The following CTBP2 variants were observed in gnomAD, a reference collection of about 807,000 sequenced individuals.
CTBP2 encodes C-terminal-binding protein 2.
CTBP2 carries 30 observed loss-of-function variants against 80.3 expected under a neutral mutation model. The ratio of observed to expected loss-of-function variants is 0.37; its 90% confidence interval spans 0.28 to 0.51. The LOEUF is 0.51. CTBP2 is among the 20% of genes least tolerant of loss of function. The pLI is 0.93. For missense variants in CTBP2, 1,212 were observed against 1,375.3 expected (o/e 0.88, Z 1.88); for synonymous variants, 594 against 587.4 (o/e 1.01, Z -0.16).
chr10:125,005,580 T>G, intron 1 of CTBP2: 6 of 1,612,372 alleles, frequency 3.7e-6, no homozygotes, highest in Non-Finnish European at 5.1e-6. Context: ...ACAGGAAGCG[T>G]GCAGCACAAA....
chr10:125,161,448 C>T (rs1461200529), upstream of CTBP2, among the ~76,000 whole-genome samples: 2 of 152,022 alleles, frequency 1.3e-5, no homozygotes, highest in Non-Finnish European at 2.9e-5. Context: ...CATGGGGCCC[C>T]GCCCAGCCAG....
intron 1 of CTBP2, among the ~76,000 whole-genome samples, chr10:125,019,415 A>G (rs140904197): frequency 7.2e-4 from 109 of 152,280 alleles, no homozygotes; most frequent in African/African-American, 2.4e-3. Context: ...TTGGGGGTAA[A>G]TAAATTTGTG....
In CTBP2 at chr10:124,998,823, C is replaced by T. The variant is rs143153960; in HGVS notation, c.1979-653G>A. ...AGCAGACAGGATGCCCTCCCTGCCC[C>T]GTGGAGCAGCCTTCAGGTCAGGGCC... is the stretch of plus-strand genomic sequence containing the variant. On this transcript the variant is annotated intron_variant, in intron 3 of 8. Coordinates refer to ENST00000309035, the MANE Select transcript of CTBP2 (RefSeq NM_022802.3). 5.0e-3 allele frequency: 780 copies of T among 156,062 alleles called. 3 individuals carry two copies. Among genetic ancestry groups the T allele is most frequent in the African/African-American group, 0.015 (617 of 41,596 alleles). The allele number at this position is 156,062 out of a possible 1,614,324, so 9.7% of individuals were successfully genotyped here.
intron 2 of CTBP2, among the ~76,000 whole-genome samples, chr10:125,063,451 A>G (rs1844137917): frequency 6.6e-6 from 1 of 152,196 alleles, no homozygotes; most frequent in African/African-American, 2.4e-5. Flanking sequence ...ACACCCCAGG[A>G]TAACACCCAA....
intron 1 of CTBP2, among the ~76,000 whole-genome samples, chr10:125,018,445 G>T (rs1020027402): frequency 6.6e-6 from 1 of 152,048 alleles, no homozygotes; most frequent in African/African-American, 2.4e-5. Flanking sequence ...AGCCGAGATT[G>T]TTCCACTGCA....
In CTBP2 at chr10:125,026,567, C is replaced by T. The variant is rs7067816; in HGVS notation, c.1193G>A (p.Arg398Gln). The change falls in exon 1 of 9, where the codon CGA becomes CAA. Residue 398 changes from arginine (R) to glutamine (Q), a missense_variant. Physicochemically the swap from Arg to Gln is conservative, Grantham distance 43 (BLOSUM62 1). This residue lies in a region of CTBP2 where 848 missense variants were observed against 782.3 expected (regional missense o/e 1.08). Transcript: ENST00000309035. The stretch of plus-strand genomic sequence containing the variant: ...GGGACGGCGAGCCGGGTCTCCAGCT[C>T]GGGGGGATGCTGTCTGCAGAGGAGC... 16 of 1,541,294 alleles carry T rather than the reference C, an allele frequency of 1.0e-5. No individual in the cohort carries two copies. Among genetic ancestry groups the T allele is most frequent in the Admixed American group, 2.1e-5 (1 of 47,720 alleles).
chr10:125,086,694 T>C (rs1266458509), intron 2 of CTBP2, among the ~76,000 whole-genome samples: 1 of 151,406 alleles, frequency 6.6e-6, no homozygotes, highest in Non-Finnish European at 1.5e-5. Context: ...GAACCAGAAC[T>C]TGGGCCCTCA....
At chr10:125,016,274 C>T (rs995267890) in intron 1 of CTBP2, among the ~76,000 whole-genome samples, 2 of 152,070 alleles carry the variant, frequency 1.3e-5, no homozygotes, top group Non-Finnish European at 2.9e-5. Flanking sequence ...GAGCCGAGTG[C>T]CACTGCCAAG....
intron 1 of CTBP2, among the ~76,000 whole-genome samples, chr10:125,147,391 A>G (rs1858972803): frequency 6.6e-6 from 1 of 152,230 alleles, no homozygotes; most frequent in Non-Finnish European, 1.5e-5. Flanking sequence ...TAGGTCTTAA[A>G]TAGAAAGTAA....
chr10:125,059,843 G>C (rs1026284780), intron 2 of CTBP2, among the ~76,000 whole-genome samples: 1 of 152,140 alleles, frequency 6.6e-6, no homozygotes, highest in Non-Finnish European at 1.5e-5. Context: ...GGATTCACTG[G>C]GAGTCAGGAA....
At chr10:125,015,550 T>G (rs1956387161) in intron 1 of CTBP2, among the ~76,000 whole-genome samples, 1 of 152,216 alleles carries the variant, frequency 6.6e-6, no homozygotes, top group African/African-American at 2.4e-5. Context: ...GGTCTTGCAG[T>G]TGGGAGGGCG....
At position 124,987,632 on chromosome 10, in the gene CTBP2, G is replaced by T. The variant is rs1201253364; in HGVS notation, c.*1886C>A. ...TAATAGGTCAGTAACTATGAGCGCC[G>T]TCTCTCTCCATGTGAGCTTGTGTTA... On this transcript the variant is annotated 3_prime_UTR_variant, in exon 9 of 9. Coordinates refer to ENST00000309035, the MANE Select transcript of CTBP2 (RefSeq NM_022802.3). 4 of 152,110 alleles carry T rather than the reference G, an allele frequency of 2.6e-5. No homozygotes were observed. The highest frequency in any genetic ancestry group is 9.7e-5 in the African/African-American group (4 of 41,408). The allele number at this position is 152,110 out of a possible 1,614,324, so 9.4% of individuals were successfully genotyped here. A position where few individuals can be genotyped will look rare whatever the true frequency, so the allele number is the denominator to read the frequency against.
At chr10:125,141,197 G>A (rs998924973) in intron 1 of CTBP2, among the ~76,000 whole-genome samples, 6 of 152,040 alleles carry the variant, frequency 3.9e-5, no homozygotes, top group African/African-American at 1.2e-4. Context: ...CAATGAGTCA[G>A]TTGCAGCTTA....
chr10:125,059,507 G>A (rs1241526899), intron 2 of CTBP2, among the ~76,000 whole-genome samples: 1 of 152,142 alleles, frequency 6.6e-6, no homozygotes, highest in East Asian at 1.9e-4. Flanking sequence ...GCTTGAACCT[G>A]GGAGGTGGAG....
upstream of CTBP2, chr10:125,161,007 C>G (rs1174596915): frequency 6.8e-6 from 1 of 146,220 alleles, no homozygotes; most frequent in African/African-American, 2.5e-5. Context: ...GCTGGCTGCG[C>G]AGGAGCTAGG....
intron 1 of CTBP2, among the ~76,000 whole-genome samples, chr10:125,129,119 T>A (rs533059969): frequency 6.6e-6 from 1 of 152,338 alleles, no homozygotes; most frequent in African/African-American, 2.4e-5. Context: ...ATGCTGTGTA[T>A]AATGTACATA....
chr10:125,098,708 CAGAGAGAGAGAGAGACAGAGAGAGAGAG>C (rs1850049581), intron 2 of CTBP2, among the ~76,000 whole-genome samples: 1 of 65,698 alleles, frequency 1.5e-5, no homozygotes, highest in East Asian at 4.7e-4. Context: ...GAGAGAGAGA[CAGAGAGAGAGAGAGACAGAGAGAGAGAG>C]AGAGAGAGAG....
At chr10:125,076,290 G>A (rs1846262756) in intron 2 of CTBP2, among the ~76,000 whole-genome samples, 1 of 152,172 alleles carries the variant, frequency 6.6e-6, no homozygotes, top group African/African-American at 2.4e-5. Flanking sequence ...TGTGACACTG[G>A]CCCTGGAAGG....
intron 2 of CTBP2, among the ~76,000 whole-genome samples, chr10:125,105,309 C>T (rs572517539): frequency 2.0e-5 from 3 of 152,168 alleles, no homozygotes; most frequent in Admixed American, 6.5e-5. Flanking sequence ...CACCACCTGG[C>T]TGATTTTTTA....
Sources: allele counts gnomAD v4.1 joint callset (sites outside exome capture counted in the v4.1 genomes callset), GRCh38; gene constraint gnomAD v4.1.1; regional missense constraint gnomAD v4.1.1; transcripts MANE v1.5; gene names NCBI Gene and HGNC (gene_info 2026-07-23, HGNC 2026-07-21).